Variants in PLD5 observed in about 807,000 individuals in gnomAD.
The protein encoded by PLD5 is inactive phospholipase D5.
Under a neutral mutation model 61.1 loss-of-function variants are expected in PLD5, and 36 were observed. The ratio of observed to expected loss-of-function variants is 0.59; its 90% CI spans 0.45 to 0.78. The LOEUF is 0.78. PLD5 is among the 30% of genes least tolerant of loss of function. PLD5 has a pLI of 0.00. For synonymous variants in PLD5, 243 were observed against 242.8 expected (o/e 1.00, Z -0.01); for missense variants, 515 against 644.4 (o/e 0.80, Z 2.17).
intron 4 of PLD5, among the ~76,000 whole-genome samples, chr1:242,253,502 A>G (rs1407254043): frequency 6.6e-5 from 10 of 150,736 alleles, no homozygotes. Context: ...TTTAGTAGAG[A>G]CGGGGTTTCA....
chr1:242,384,006 G>A (rs2149258343), intron 1 of PLD5, among the ~76,000 whole-genome samples: 1 of 152,312 alleles, frequency 6.6e-6, no homozygotes, highest in South Asian at 2.1e-4. Context: ...TGCATTGCTA[G>A]AGGAATCCGC....
At chr1:242,209,016 C>A (rs375676369) in intron 5 of PLD5, 1 of 152,126 alleles carries the variant, frequency 6.6e-6, no homozygotes, top group Non-Finnish European at 1.5e-5. Context: ...TAAGAGGATT[C>A]GTTTGAAAAG....
rs58100712 is a variant in PLD5 at position 242,149,670 on chromosome 1, TACAC to T, written c.736-25009_736-25006del. ...TCAGAAGACTTAAGTTTTATACACA[TACAC>T]ACACACACACACACACACACACAGA... On this transcript the variant is annotated intron_variant, in intron 5 of 9. Transcript: ENST00000536534. Among the ~76,000 whole-genome samples the T allele has an allele frequency of 7.0e-3, 1,024 of 146,636 alleles. 17 individuals carry two copies. The highest frequency in any genetic ancestry group is 0.024 in the African/African-American group (943 of 40,088).
rs570262991 is a variant in PLD5 at position 242,345,772 on chromosome 1, G to T, written c.326+2334C>A. The T allele has an allele frequency of 8.0e-5, 47 of 590,164 alleles. No individual in the cohort carries two copies. The East Asian group carries it at 1.3e-3, about 17-fold the overall frequency. 36.6% of individuals were successfully genotyped at this position (590,164 alleles called of 1,614,324 possible). On this transcript the variant is annotated intron_variant, in intron 2 of 9. Transcript: ENST00000536534. Reference sequence around the variant, plus strand: ...GAAAAGGTGGTGAAACAACAGGTTGGAAACTGGATTAGGGTATAAGGAAAT... The same window carrying T: ...GAAAAGGTGGTGAAACAACAGGTTGTAAACTGGATTAGGGTATAAGGAAAT...
intron 3 of PLD5, among the ~76,000 whole-genome samples, chr1:242,281,328 G>A (rs1408441147): frequency 4.6e-5 from 7 of 152,088 alleles, no homozygotes; most frequent in African/African-American, 1.2e-4. Context: ...ACCAGGTAGC[G>A]CCTGGAGACC....
chr1:242,139,973 C>T (rs1664036836), intron 5 of PLD5, among the ~76,000 whole-genome samples: 1 of 152,168 alleles, frequency 6.6e-6, no homozygotes, highest in African/African-American at 2.4e-5. Context: ...GGATCTCTTG[C>T]AACTAGGAAA....
intron 1 of PLD5, among the ~76,000 whole-genome samples, chr1:242,463,900 A>G (rs1021920915): frequency 7.9e-5 from 12 of 151,912 alleles, no homozygotes; most frequent in Non-Finnish European, 1.2e-4. Context: ...TCCACCAGCC[A>G]TTGTCCCATT....
intron 4 of PLD5, among the ~76,000 whole-genome samples, chr1:242,233,535 A>AAGAG (rs138304569): frequency 4.0e-5 from 6 of 151,196 alleles, no homozygotes; most frequent in African/African-American, 1.5e-4. Flanking sequence ...AGGCTAAAGG[A>AAGAG]AGAGAGAGAG....
chr1:242,506,624 T>C (rs1429991260), intron 1 of PLD5, among the ~76,000 whole-genome samples: 1 of 152,098 alleles, frequency 6.6e-6, no homozygotes, highest in African/African-American at 2.4e-5. Flanking sequence ...AATTCCACCA[T>C]AAAGCTTTGC....
chr1:242,252,596 T>A (rs1672767152), intron 4 of PLD5, among the ~76,000 whole-genome samples: 2 of 152,014 alleles, frequency 1.3e-5, no homozygotes, highest in Admixed American at 1.3e-4. Context: ...TACACGTGGA[T>A]GTGTGAACAT....
intron 1 of PLD5, among the ~76,000 whole-genome samples, chr1:242,463,655 A>G (rs1335728301): frequency 6.6e-6 from 1 of 151,884 alleles, no homozygotes; most frequent in Non-Finnish European, 1.5e-5. Context: ...CTTCCCATCT[A>G]TGACCAAGAA....
At chr1:242,333,524 T>G (rs549922155) in intron 2 of PLD5, among the ~76,000 whole-genome samples, 10 of 152,108 alleles carry the variant, frequency 6.6e-5, no homozygotes, top group African/African-American at 2.4e-4. Context: ...AGGGCAGGAG[T>G]GTACCAGGGA....
chr1:242,515,505 G>T (rs542913856), intron 1 of PLD5, among the ~76,000 whole-genome samples: 1 of 152,284 alleles, frequency 6.6e-6, no homozygotes, highest in South Asian at 2.1e-4. Flanking sequence ...GTGCCACCAC[G>T]CCTGGCCAGC....
rs1558394697 is a variant in PLD5, at chr1:242,247,802, G to T, written c.607+17535C>A. ...TGGATGATTGGTATTCCAACATGTG[G>T]ATGATCCACTGTTTAATTCTAAAAA... On this transcript the variant is annotated intron_variant, in intron 4 of 9. Transcript: ENST00000536534. 2.6e-5 allele frequency among the ~76,000 whole-genome samples: 4 copies of T among 152,274 alleles called. 1 individual carries two copies. In the South Asian group the frequency reaches 8.3e-4, roughly 32 times the overall value.
chr1:242,200,641 AAT>A (rs1491250907), intron 5 of PLD5, among the ~76,000 whole-genome samples: 118 of 122,734 alleles, frequency 9.6e-4, no homozygotes, highest in East Asian at 1.9e-3. Flanking sequence ...AAAAAAAAAA[AAT>A]GTGTTGCATA....
At chr1:242,519,944 T>C (rs1409365205) in intron 1 of PLD5, among the ~76,000 whole-genome samples, 2 of 152,212 alleles carry the variant, frequency 1.3e-5, no homozygotes, top group Non-Finnish European at 2.9e-5. Context: ...TGAGAAGTCA[T>C]ATACCTACAG....
intron 1 of PLD5, among the ~76,000 whole-genome samples, chr1:242,447,174 A>C (rs890740183): frequency 6.6e-6 from 1 of 152,250 alleles, no homozygotes; most frequent in Non-Finnish European, 1.5e-5. Context: ...GCAATTTGTA[A>C]TATGAACTTA....
At chr1:242,333,045 A>G (rs1434903228) in intron 2 of PLD5, among the ~76,000 whole-genome samples, 1 of 152,180 alleles carries the variant, frequency 6.6e-6, no homozygotes, top group African/African-American at 2.4e-5. Context: ...AGCAATAGAC[A>G]TGAAGGCATG....
At position 242,493,873 on chromosome 1, in the gene PLD5, A is replaced by G. The variant is rs368830959; in HGVS notation, c.189+30215T>C. ...TAATATGCACAACCGCTTTCTTTTT[A>G]GTATTCCTGACTGCAAAAATCCCTT... On this transcript the variant is annotated intron_variant, in intron 1 of 9. Transcript: ENST00000536534. Among the ~76,000 whole-genome samples, 7 of 152,342 alleles carry G rather than the reference A, an allele frequency of 4.6e-5. No homozygotes were observed. The East Asian group carries it at 7.7e-4, about 17-fold the overall frequency.
Sources: allele counts gnomAD v4.1 joint callset (sites outside exome capture counted in the v4.1 genomes callset), GRCh38; gene constraint gnomAD v4.1.1; transcripts MANE v1.5; gene names NCBI Gene and HGNC (gene_info 2026-07-23, HGNC 2026-07-21).